The following GPHN variants were observed in gnomAD, a reference collection of about 807,000 sequenced individuals.
GPHN encodes the protein gephyrin.
Under a neutral mutation model 95.5 loss-of-function variants are expected in GPHN, and 17 were observed. The ratio of observed to expected loss-of-function variants is 0.18; its 90% CI spans 0.12 to 0.27. The LOEUF (loss-of-function observed/expected upper bound fraction) is 0.27, where lower values mean the gene tolerates loss of function less well. GPHN is among the 10% of genes least tolerant of loss of function. GPHN has a pLI of 1.00. For missense variants in GPHN, 660 were observed against 978.1 expected (o/e 0.67, Z 4.34); for synonymous variants, 320 against 322.5 (o/e 0.99, Z 0.08).
At chr14:66,720,460 A>T (rs56228899) in intron 2 of GPHN, among the ~76,000 whole-genome samples, 2 of 152,092 alleles carry the variant, frequency 1.3e-5, no homozygotes, top group African/African-American at 4.8e-5. Flanking sequence ...AGGCTAAGGC[A>T]TGAGAATCAC....
chr14:66,964,484 A>G (rs1325068403), intron 8 of GPHN, among the ~76,000 whole-genome samples: 1 of 152,240 alleles, frequency 6.6e-6, no homozygotes, highest in East Asian at 1.9e-4. Context: ...GACAGAATTT[A>G]GGGAAAACCA....
intron 11 of GPHN, among the ~76,000 whole-genome samples, chr14:67,085,473 A>G (rs2076847427): frequency 6.6e-6 from 1 of 152,204 alleles, no homozygotes; most frequent in Non-Finnish European, 1.5e-5. Flanking sequence ...ATTTCAAGAC[A>G]CTGTGAGATC....
the GPHN span, chr14:67,562,599 A>T: frequency 2.0e-5 from 33 of 1,612,878 alleles, no homozygotes; most frequent in East Asian, 6.9e-4. Flanking sequence ...ACCCCGCGGG[A>T]CAGCATCCAG....
chr14:66,680,430 C>G (rs117610336), intron 1 of GPHN, among the ~76,000 whole-genome samples: 2,027 of 152,350 alleles, frequency 0.013, 21 homozygotes, highest in Middle Eastern at 0.02. Context: ...ATGGCCTGTT[C>G]TCCCAACTGC....
At chr14:67,288,119 G>A in the GPHN span, among the ~76,000 whole-genome samples, 9 of 151,754 alleles carry the variant, frequency 5.9e-5, no homozygotes, top group Admixed American at 2.6e-4. Context: ...TCACTCTGTC[G>A]CCCAGGCTGG....
At chr14:66,527,131 T>C (rs573773731) in intron 1 of GPHN, among the ~76,000 whole-genome samples, 16 of 152,318 alleles carry the variant, frequency 1.1e-4, no homozygotes, top group African/African-American at 3.8e-4. Context: ...AGTAGGCTAT[T>C]ACTGCCTCAA....
chr14:66,677,294 C>T (rs575175514), intron 1 of GPHN, among the ~76,000 whole-genome samples: 1 of 151,988 alleles, frequency 6.6e-6, no homozygotes, highest in South Asian at 2.1e-4. Context: ...ATGTTTCCTT[C>T]TTCTTATTTT....
Position 67,122,338 on chromosome 14 carries a change from A to G in GPHN, c.1709A>G (p.His570Arg), listed in dbSNP as rs928280678. 1 of 1,613,244 alleles carries G rather than the reference A, an allele frequency of 6.2e-7. No individual in the cohort carries two copies. The highest frequency in any genetic ancestry group is 8.5e-7 in the Non-Finnish European group (1 of 1,179,190). Residue 570 changes from histidine (H) to arginine (R), a missense_variant, in exon 17 of 23, where the codon CAT becomes CGT. By Grantham distance (29) the His-to-Arg change is conservative. Around this residue, in one of 6 missense-constraint regions of GPHN, gnomAD observed 257 missense variants for 376.2 expected, o/e 0.68. Coordinates refer to ENST00000478722, the MANE Select transcript of GPHN (RefSeq NM_020806.5). ...RSTLLATIQE[H>R]GYPTINLGIV... The stretch of plus-strand genomic sequence containing the variant: ...ACTCTTCTAGCAACAATTCAGGAAC[A>G]TGGTTACCCCACGATCAACTTGGGT...
intron 2 of GPHN, among the ~76,000 whole-genome samples, chr14:66,691,237 T>C (rs908706450): frequency 6.6e-6 from 1 of 152,054 alleles, no homozygotes; most frequent in Non-Finnish European, 1.5e-5. Context: ...CAGGCTGAAG[T>C]GCAGTGGCGC....
At chr14:67,697,593 T>G in the GPHN span, among the ~76,000 whole-genome samples, 1 of 152,186 alleles carries the variant, frequency 6.6e-6, no homozygotes, top group Admixed American at 6.5e-5. Flanking sequence ...GGTACTATAA[T>G]TTTCCCTATT....
chr14:66,616,287 C>T lies in GPHN; in HGVS notation c.65-64820C>T, dbSNP rs554654788. On this transcript the variant is annotated intron_variant, in intron 1 of 22. Coordinates refer to ENST00000478722, the MANE Select transcript of GPHN (RefSeq NM_020806.5). ...ATAACATTGAATCTATAAATTACTT[C>T]GGGCAGTCTGTCCTTTCGGGTTTTC... Among the ~76,000 whole-genome samples, 54 of 81,562 alleles carry T rather than the reference C, an allele frequency of 6.6e-4. 2 individuals carry two copies. Among genetic ancestry groups the T allele is most frequent in the Middle Eastern group, 5.5e-3 (1 of 182 alleles). The allele number at this position is 81,562 out of a possible 152,430, so 53.5% of individuals were successfully genotyped here.
chr14:67,080,825 C>A (rs913098715), intron 11 of GPHN, among the ~76,000 whole-genome samples: 9 of 152,112 alleles, frequency 5.9e-5, no homozygotes, highest in Non-Finnish European at 1.2e-4. Flanking sequence ...ATCTTCATGG[C>A]TTAGCTCCCA....
the GPHN span, among the ~76,000 whole-genome samples, chr14:67,506,498 C>G: frequency 6.6e-6 from 1 of 152,116 alleles, no homozygotes; most frequent in Admixed American, 6.5e-5. Flanking sequence ...GAAATCATCT[C>G]TCATCCCCCC....
chr14:67,041,053 C>G (rs1366243692), intron 10 of GPHN, among the ~76,000 whole-genome samples: 1 of 151,960 alleles, frequency 6.6e-6, no homozygotes, highest in African/African-American at 2.4e-5. Context: ...TAGATGGTTG[C>G]CAAGTGGTGA....
At chr14:67,507,212 T>C in the GPHN span, among the ~76,000 whole-genome samples, 64 of 151,900 alleles carry the variant, frequency 4.2e-4, no homozygotes, top group Non-Finnish European at 9.0e-4. Flanking sequence ...GGTGCTAATA[T>C]AGGTGGTGCA....
chr14:67,251,678 T>C, the GPHN span, among the ~76,000 whole-genome samples: 4 of 152,212 alleles, frequency 2.6e-5, no homozygotes, highest in Non-Finnish European at 4.4e-5. Flanking sequence ...ATAAGAAATA[T>C]ATATTTGGTC....
intron 15 of GPHN, among the ~76,000 whole-genome samples, chr14:67,112,562 T>G (rs960237152): frequency 4.6e-5 from 7 of 152,158 alleles, no homozygotes; most frequent in African/African-American, 1.7e-4. Flanking sequence ...GGAAATTACC[T>G]CTATGACTGT....
intron 9 of GPHN, among the ~76,000 whole-genome samples, chr14:67,013,206 C>T (rs1046704785): frequency 4.0e-5 from 6 of 151,456 alleles, no homozygotes; most frequent in Non-Finnish European, 8.9e-5. Flanking sequence ...ATAGTATTAT[C>T]TTGATTTTTG....
intron 8 of GPHN, among the ~76,000 whole-genome samples, chr14:66,948,891 G>A (rs1180162574): frequency 2.0e-5 from 3 of 152,110 alleles, no homozygotes; most frequent in Non-Finnish European, 4.4e-5. Flanking sequence ...TCCACCTCCT[G>A]GGCTCAAGCA....
Sources: gnomAD v4.1 joint callset for allele counts (sites outside exome capture counted in the v4.1 genomes callset) on GRCh38, gnomAD v4.1.1 for gene constraint, gnomAD v4.1.1 regional missense constraint, MANE v1.5 for transcripts, NCBI Gene and HGNC (gene_info 2026-07-23, HGNC 2026-07-21) for gene names.